The following RET variants were observed in gnomAD, a reference collection of about 807,000 sequenced individuals.
The protein encoded by RET is ret proto-oncogene.
In RET, 19 loss-of-function variants were observed where a neutral mutation model predicts 118.3. The ratio of observed to expected loss-of-function variants is 0.16; its 90% CI spans 0.11 to 0.24. The LOEUF is 0.24. Among genes scored for constraint, RET ranks in the 10% least tolerant of loss-of-function variants. The probability of loss-of-function intolerance (pLI) is 1.00; values close to 1 mark genes in which losing one functional copy is unlikely to be tolerated. For synonymous variants in RET, 597 were observed against 644.1 expected, an observed-to-expected ratio of 0.93 and a Z score of 1.11; for missense variants, 1,219 against 1,502.1, an observed-to-expected ratio of 0.81 and a Z score of 3.12.
chr10:43,114,573 A>G lies in RET; in HGVS notation c.1973A>G (p.His658Arg), dbSNP rs1274484329. The G allele has an allele frequency of 2.5e-6, 4 of 1,611,246 alleles. No individual in the cohort carries two copies. Among genetic ancestry groups the G allele is most frequent in the Middle Eastern group, 1.6e-4 (1 of 6,084 alleles). ...GTGCTGCTGTCTGCCTTCTGCATCC[A>G]CTGCTACCACAAGTTTGCCCACAAG... Reference protein sequence around the residue: ...VSVLLSAFCIHCYHKFAHKPP... With the variant: ...VSVLLSAFCIRCYHKFAHKPP... Residue 658 changes from histidine to arginine, a missense_variant, in exon 11 of 20, where the codon CAC (histidine) becomes CGC (arginine). Transcript: ENST00000355710. This position sits in a 1 kb window ranked among gnomAD's most constrained non-coding sequence, Gnocchi z 4.6.
Position 43,128,388 on chromosome 10 carries a change from G to A in RET, c.*119G>A, listed in dbSNP as rs1226432250. The A allele has an allele frequency of 9.0e-6, 11 of 1,224,516 alleles. No individual in the cohort carries two copies. The highest frequency in any genetic ancestry group is 1.3e-5 in the Non-Finnish European group (11 of 839,572). The allele number at this position is 1,224,516 out of a possible 1,614,324, so 75.9% of individuals were successfully genotyped here. The stretch of plus-strand genomic sequence containing the variant: ...CCGAGCCGTGTTCAGTTCCCAGGTG[G>A]CAGACTCGTTTTTGGTAGTTTGTTT... On this transcript the variant is annotated 3_prime_UTR_variant, in exon 20 of 20. Coordinates refer to ENST00000355710, the MANE Select transcript of RET (RefSeq NM_020975.6).
In RET at chr10:43,129,097, T is replaced by G. The variant is rs1324416136; in HGVS notation, c.*828T>G. The G allele has an allele frequency of 8.6e-6, 2 of 233,488 alleles. No individual in the cohort carries two copies. Among genetic ancestry groups the G allele is most frequent in the Non-Finnish European group, 1.7e-5 (2 of 118,176 alleles). The allele number at this position is 233,488 out of a possible 1,614,324, so 14.5% of individuals were successfully genotyped here. On this transcript the variant is annotated 3_prime_UTR_variant, in exon 20 of 20. Transcript: ENST00000355710. ...TGAGAACAGTATGAAGAAAGGGGGC[T>G]GTTGGAGTCCCAGAATTGCTGACAG...
At chr10:43,108,813 A>C (rs1837843750) in intron 5 of RET, among the ~76,000 whole-genome samples, 1 of 152,178 alleles carries the variant, frequency 6.6e-6, no homozygotes, top group Non-Finnish European at 1.5e-5. Context: ...GCTGCCTCAA[A>C]TTGAGAAGGG....
rs1838014308 is a variant in RET, at chr10:43,114,400, TGA to T, written c.1880-78_1880-77del. The T allele has an allele frequency of 1.3e-6, 2 of 1,577,278 alleles. No individual in the cohort carries two copies. The highest frequency in any genetic ancestry group is 1.7e-6 in the Non-Finnish European group (2 of 1,163,668). On this transcript the variant is annotated intron_variant, in intron 10 of 19. Coordinates refer to ENST00000355710, the MANE Select transcript of RET (RefSeq NM_020975.6). The surrounding 1 kb of genome is among the most constrained non-coding windows in gnomAD (Gnocchi z 4.6). ...GCGGACACGGCAGGCTGGAGAGCCATGAGGCAGAGCATACGCAGCCTGTACCC... is the reference window on the plus strand; with the variant it reads ...GCGGACACGGCAGGCTGGAGAGCCATGGCAGAGCATACGCAGCCTGTACCC...
chr10:43,123,924 AGT>A, intron 17 of RET, 116 bp downstream of exon 17: 2 of 1,501,990 alleles, frequency 1.3e-6, no homozygotes, highest in Admixed American at 3.5e-5. Context: ...GGGGGTGGGG[AGT>A]GGGCAGGGCA....
At position 43,109,140 on chromosome 10, in the gene RET, C is replaced by G. The variant is rs757868491; in HGVS notation, c.1173C>G (p.Leu391=). The G allele has an allele frequency of 5.0e-6, 8 of 1,613,946 alleles. No homozygotes were observed. The highest frequency in any genetic ancestry group is 6.8e-6 in the Non-Finnish European group (8 of 1,180,034). The part of the protein sequence containing the change: ...FQGPGAGVLL[L]HFNVSVLPVS... Reference sequence around the variant, plus strand: ...GCCCAGGAGCGGGCGTCCTCTTGCTCCACTTCAACGTGTCGGTGCTGCCGG... The same window carrying G: ...GCCCAGGAGCGGGCGTCCTCTTGCTGCACTTCAACGTGTCGGTGCTGCCGG... Residue 391 remains leucine, a synonymous_variant, in exon 6 of 20, where the codon CTC becomes CTG. Coordinates refer to ENST00000355710, the MANE Select transcript of RET (RefSeq NM_020975.6).
chr10:43,104,833 A>C (rs1208822514), intron 3 of RET, 119 bp from the exon 4 acceptor site: 2 of 1,442,994 alleles, frequency 1.4e-6, no homozygotes, highest in Non-Finnish European at 1.9e-6. Flanking sequence ...GGAGGAGGGG[A>C]GGCCTGGGGC....
In RET at chr10:43,106,541, A is replaced by G. The variant is rs766480138; in HGVS notation, c.1033A>G (p.Ser345Gly). ...CGAGACCTCGGTCCAGGCCAACGGC[A>G]GCTTCGTGCGGGCGACCGTACATGA... ...PNETSVQANGSFVRATVHDYR... is the reference protein window; with the variant it reads ...PNETSVQANGGFVRATVHDYR... The change falls in exon 5 of 20, where the codon AGC becomes GGC. Residue 345 changes from serine (S) to glycine (G), a missense_variant. Coordinates refer to ENST00000355710, the MANE Select transcript of RET (RefSeq NM_020975.6). This position sits in a 1 kb window ranked among gnomAD's most constrained non-coding sequence, Gnocchi z 5.1. 6.2e-7 allele frequency: 1 copy of G among 1,613,726 alleles called. No homozygotes were observed. Among genetic ancestry groups the G allele is most frequent in the East Asian group, 2.2e-5 (1 of 44,866 alleles).
chr10:43,123,122 C>T (rs1164972794), intron 16 of RET, among the ~76,000 whole-genome samples: 1 of 152,164 alleles, frequency 6.6e-6, no homozygotes, highest in Non-Finnish European at 1.5e-5. Context: ...CCTAAATGGG[C>T]TCATGCGATG....
At chr10:43,090,313 C>T (rs1051074581) in intron 1 of RET, among the ~76,000 whole-genome samples, 2 of 152,174 alleles carry the variant, frequency 1.3e-5, no homozygotes, top group East Asian at 1.9e-4. Flanking sequence ...TGCACTTAAT[C>T]GTCACTTGGA....
chr10:43,104,637 AG>A, intron 3 of RET: 1 of 512,258 alleles, frequency 2.0e-6, no homozygotes, highest in South Asian at 2.2e-5. Flanking sequence ...AGGTGGGCGG[AG>A]GGGTGTCCCA....
intron 1 of RET, among the ~76,000 whole-genome samples, chr10:43,083,953 A>G (rs1287035544): frequency 1.3e-5 from 2 of 152,234 alleles, no homozygotes; most frequent in Non-Finnish European, 2.9e-5. Context: ...GTCCCCGGGC[A>G]ACCCCCAGCC....
rs145402131 is a variant in RET, at chr10:43,106,571, A to T, written c.1063A>T (p.Arg355Trp). The stretch of plus-strand genomic sequence containing the variant: ...CGTGCGGGCGACCGTACATGACTAT[A>T]GTAAGAGGGGCTGGTGGCACGGCCT... Reference protein sequence around the residue: ...SFVRATVHDYRLVLNRNLSIS... With the variant: ...SFVRATVHDYWLVLNRNLSIS... The change falls in exon 5 of 20, where the codon AGG (arginine) becomes TGG (tryptophan). Residue 355 changes from arginine to tryptophan, a missense_variant and splice_region_variant. Physicochemically the swap from Arg to Trp is moderately radical, Grantham distance 101. Around this residue, in one of 5 missense-constraint regions of RET, gnomAD observed 850 missense variants for 969.6 expected, o/e 0.88. Transcript: ENST00000355710. The surrounding 1 kb of genome is among the most constrained non-coding windows in gnomAD (Gnocchi z 5.1). 2 of 1,613,280 alleles carry T rather than the reference A, an allele frequency of 1.2e-6. No homozygotes were observed. The highest frequency in any genetic ancestry group is 3.3e-5 in the Admixed American group (2 of 59,970).
At position 43,106,562 on chromosome 10, in the gene RET, C is replaced by A; in HGVS notation, c.1054C>A (p.His352Asn). The A allele has an allele frequency of 1.9e-6, 3 of 1,613,534 alleles. No homozygotes were observed. The highest frequency in any genetic ancestry group is 2.5e-6 in the Non-Finnish European group (3 of 1,179,718). ...ANGSFVRATV[H>N]DYRLVLNRNL... Reference sequence around the variant, plus strand: ...CGGCAGCTTCGTGCGGGCGACCGTACATGACTATAGTAAGAGGGGCTGGTG... The same window carrying A: ...CGGCAGCTTCGTGCGGGCGACCGTAAATGACTATAGTAAGAGGGGCTGGTG... The change falls in exon 5 of 20, where the codon CAT (histidine) becomes AAT (asparagine). Residue 352 changes from histidine to asparagine, a missense_variant. Coordinates refer to ENST00000355710, the MANE Select transcript of RET (RefSeq NM_020975.6). This position sits in a 1 kb window ranked among gnomAD's most constrained non-coding sequence, Gnocchi z 5.1.
Position 43,106,555 on chromosome 10 carries a change from G to A in RET, c.1047G>A (p.Ala349=), listed in dbSNP as rs373208682. ...AGGCCAACGGCAGCTTCGTGCGGGC[G>A]ACCGTACATGACTATAGTAAGAGGG... ...SVQANGSFVR[A]TVHDYRLVLN... Residue 349 remains alanine (A), a synonymous_variant, in exon 5 of 20, where the codon GCG becomes GCA. Coordinates refer to ENST00000355710, the MANE Select transcript of RET (RefSeq NM_020975.6). The surrounding 1 kb of genome is among the most constrained non-coding windows in gnomAD (Gnocchi z 5.1). 7 of 1,613,546 alleles carry A rather than the reference G, an allele frequency of 4.3e-6. No homozygotes were observed. Among genetic ancestry groups the A allele is most frequent in the Admixed American group, 3.3e-5 (2 of 59,986 alleles).
Position 43,114,597 on chromosome 10 carries a change from A to ATTC in RET, c.1997_1998insTTC (p.Lys666delinsAsnSer). The ATTC allele has an allele frequency of 2.5e-6, 4 of 1,612,694 alleles. No homozygotes were observed. The highest frequency in any genetic ancestry group is 3.4e-6 in the Non-Finnish European group (4 of 1,179,908). On this transcript the variant is annotated protein_altering_variant, in exon 11 of 20. Transcript: ENST00000355710. This position sits in a 1 kb window ranked among gnomAD's most constrained non-coding sequence, Gnocchi z 4.6. ...CACTGCTACCACAAGTTTGCCCACA[A>ATTC]GCCACCCATCTCCTCAGCTGAGATG...
chr10:43,126,766 C>T (rs1415764549), intron 19 of RET, 44 bp downstream of exon 19: 1 of 1,608,454 alleles, frequency 6.2e-7, no homozygotes, highest in Non-Finnish European at 8.5e-7. Context: ...ACCGCTGTCC[C>T]CTTTGCACTA....
intron 4 of RET, among the ~76,000 whole-genome samples, chr10:43,105,514 C>A (rs959136307): frequency 6.6e-6 from 1 of 152,178 alleles, no homozygotes; most frequent in Non-Finnish European, 1.5e-5. Flanking sequence ...CACTCCCTCC[C>A]ACCAGCAGTT....
chr10:43,124,989 G>T lies in RET; in HGVS notation c.3039+7G>T, dbSNP rs761410293. On this transcript the variant is annotated splice_region_variant and intron_variant, in intron 18 of 19. Coordinates refer to ENST00000355710, the MANE Select transcript of RET (RefSeq NM_020975.6). ...GATGATGGTTAAGAGGAGAGTGAGT[G>T]CCTGGGTCCAATTCCCACAAGCTGA... 29 of 1,613,756 alleles carry T rather than the reference G, an allele frequency of 1.8e-5. No individual in the cohort carries two copies. Among genetic ancestry groups the T allele is most frequent in the Middle Eastern group, 1.7e-4 (1 of 6,042 alleles).
Sources: gnomAD v4.1 joint callset for allele counts (sites outside exome capture counted in the v4.1 genomes callset) on GRCh38, gnomAD v4.1.1 for gene constraint, gnomAD v4.1.1 regional missense constraint, Gnocchi (gnomAD v3.1) non-coding constraint, MANE v1.5 for transcripts, NCBI Gene and HGNC (gene_info 2026-07-23, HGNC 2026-07-21) for gene names.